Variants in MECR observed in about 807,000 individuals in gnomAD.
The protein encoded by MECR is mitochondrial trans-2-enoyl-CoA reductase.
Under a neutral mutation model 49.1 loss-of-function variants are expected in MECR, and 37 were observed. The observed-to-expected ratio is 0.75, with a 90% CI of 0.58 to 0.99. The LOEUF (loss-of-function observed/expected upper bound fraction) is 0.99. Among genes scored for constraint, MECR ranks in the 50% least tolerant of loss-of-function variants. The probability of loss-of-function intolerance (pLI) is 0.00; values close to 1 mark genes in which losing one functional copy is unlikely to be tolerated. For missense variants in MECR, 470 were observed against 479.6 expected (o/e 0.98, Z 0.19); for synonymous variants, 198 against 191.1 (o/e 1.04, Z -0.30).
rs779465579 is a variant in MECR, at chr1:29,195,903, C to A, written c.964+38G>T. The A allele has an allele frequency of 2.5e-6, 4 of 1,607,182 alleles. No individual in the cohort carries two copies. The South Asian group carries it at 4.4e-5, about 18-fold the overall frequency. Reference sequence around the variant, plus strand: ...TTCTGCTGCCATTTTTAGGCACTGCCCTCATCTGTGACTCTTGGCACTGGG... The same window carrying A: ...TTCTGCTGCCATTTTTAGGCACTGCACTCATCTGTGACTCTTGGCACTGGG... On this transcript the variant is annotated intron_variant, in intron 9 of 9. Transcript: ENST00000263702.
the MECR span, among the ~76,000 whole-genome samples, chr1:29,187,136 A>G: frequency 2.0e-5 from 3 of 152,188 alleles, no homozygotes; most frequent in South Asian, 4.1e-4. Context: ...GTGCCTGACA[A>G]TAAGCATGGG....
At chr1:29,213,930 A>G (rs966834636) in intron 3 of MECR, among the ~76,000 whole-genome samples, 1 of 152,192 alleles carries the variant, frequency 6.6e-6, no homozygotes, top group Non-Finnish European at 1.5e-5. Context: ...TGGTTTGATT[A>G]TATCAATATG....
At chr1:29,223,832 C>T (rs1681379656) in intron 1 of MECR, 1 of 152,104 alleles carries the variant, frequency 6.6e-6, no homozygotes, top group Non-Finnish European at 1.5e-5. Flanking sequence ...CTTGTAAGGG[C>T]CTGGCTCCCA....
the MECR span, chr1:29,170,902 T>C: frequency 6.6e-6 from 1 of 152,102 alleles, no homozygotes; most frequent in Non-Finnish European, 1.5e-5. Context: ...CTGGGAGAAA[T>C]AAAGTGCCTT....
chr1:29,206,442 T>C (rs2151871088), intron 4 of MECR, among the ~76,000 whole-genome samples: 1 of 152,326 alleles, frequency 6.6e-6, no homozygotes, highest in South Asian at 2.1e-4. Flanking sequence ...AGGGACTGTG[T>C]CTATCTTGTC....
the MECR span, among the ~76,000 whole-genome samples, chr1:29,177,753 T>TA: frequency 6.6e-6 from 1 of 152,122 alleles, no homozygotes; most frequent in Non-Finnish European, 1.5e-5. Flanking sequence ...CCTGGTGTAA[T>TA]AAAACGGTAG....
intron 1 of MECR, chr1:29,220,977 A>G: frequency 1.1e-6 from 1 of 897,504 alleles, no homozygotes; most frequent in Non-Finnish European, 1.3e-6. Flanking sequence ...GGAAAATTCA[A>G]GTAAACGTAA....
At chr1:29,196,124 T>C in intron 8 of MECR, 74 bp downstream of exon 8, 2 of 1,600,086 alleles carry the variant, frequency 1.2e-6, no homozygotes, top group East Asian at 2.2e-5. Context: ...TAGACAGCTG[T>C]CGTGCCAGGG....
the MECR span, chr1:29,171,580 A>G: frequency 2.0e-5 from 3 of 151,900 alleles, no homozygotes; most frequent in Non-Finnish European, 4.4e-5. Flanking sequence ...AATAAGTCAT[A>G]CAAATGCATT....
Position 29,215,528 on chromosome 1 carries a change from C to A in MECR, c.406+477G>T, listed in dbSNP as rs115820199. ...GGGAGGCTGCAGTAAGCCGAGATCG[C>A]GTCACTGCACTCCAGCACAGGTGAC... On this transcript the variant is annotated intron_variant, in intron 3 of 9. Coordinates refer to ENST00000263702, the MANE Select transcript of MECR (RefSeq NM_016011.5). Among the ~76,000 whole-genome samples the A allele has an allele frequency of 2.7e-5, 4 of 149,008 alleles. No homozygotes were observed. The East Asian group carries it at 8.1e-4, about 30-fold the overall frequency.
At chr1:29,177,281 T>G in the MECR span, among the ~76,000 whole-genome samples, 187 of 137,768 alleles carry the variant, frequency 1.4e-3, no homozygotes, top group African/African-American at 4.9e-3. Flanking sequence ...GTAACTCTTT[T>G]TGTTTTTTTT....
chr1:29,209,659 A>C (rs1040507738), intron 3 of MECR, among the ~76,000 whole-genome samples: 13 of 152,174 alleles, frequency 8.5e-5, no homozygotes, highest in Non-Finnish European at 1.6e-4. Context: ...CTGCACTCAC[A>C]CAGGCAGGAT....
chr1:29,188,496 G>A (rs945751859), downstream of MECR, among the ~76,000 whole-genome samples: 4 of 152,108 alleles, frequency 2.6e-5, no homozygotes, highest in African/African-American at 9.7e-5. Context: ...GAACCACTGC[G>A]CCTGGCCTCC....
At chr1:29,169,152 T>G in the MECR span, 2 of 152,244 alleles carry the variant, frequency 1.3e-5, no homozygotes, top group Admixed American at 1.3e-4. Context: ...ATTATATCCA[T>G]TTAATTTTCA....
chr1:29,192,959 T>G lies in MECR; in HGVS notation c.*1063A>C, dbSNP rs1673216675. On this transcript the variant is annotated 3_prime_UTR_variant, in exon 10 of 10. Transcript: ENST00000263702. ...ATTTGGGGCTAGATTTTTTTTTTTT[T>G]TTTGATATAGGGTCTTGCTCTGTTG... 1.3e-5 allele frequency: 2 copies of G among 152,036 alleles called. No individual in the cohort carries two copies. The highest frequency in any genetic ancestry group is 4.8e-5 in the African/African-American group (2 of 41,366). 9.4% of individuals were successfully genotyped at this position (152,036 alleles called of 1,614,324 possible).
intron 4 of MECR, among the ~76,000 whole-genome samples, chr1:29,203,851 G>T (rs1265161837): frequency 6.6e-6 from 1 of 152,226 alleles, no homozygotes; most frequent in African/African-American, 2.4e-5. Flanking sequence ...GCACTGCCTT[G>T]AAATGGGATT....
At chr1:29,202,535 C>T (rs1326700161) in intron 5 of MECR, among the ~76,000 whole-genome samples, 2 of 152,126 alleles carry the variant, frequency 1.3e-5, no homozygotes, top group Non-Finnish European at 2.9e-5. Context: ...CAGCCACAGC[C>T]ACATTCATGG....
In MECR at chr1:29,194,165, G is replaced by C; in HGVS notation, c.979C>G (p.Leu327Val). The C allele has an allele frequency of 6.2e-7, 1 of 1,610,078 alleles. No individual in the cohort carries two copies. The highest frequency in any genetic ancestry group is 1.1e-5 in the South Asian group (1 of 90,602). Residue 327 changes from leucine to valine, a missense_variant, in exon 10 of 10, where the codon CTG (leucine) becomes GTG (valine). Coordinates refer to ENST00000263702, the MANE Select transcript of MECR (RefSeq NM_016011.5). ...ATGAGATCGCACAGTGTGAGGATCA[G>C]CTCCTTGAACTGGTCTGCGGGAGGT... ...KDHSPDQFKE[L>V]ILTLCDLIRR...
chr1:29,189,828 T>A (rs1673087419), downstream of MECR, among the ~76,000 whole-genome samples: 1 of 152,196 alleles, frequency 6.6e-6, no homozygotes, highest in Non-Finnish European at 1.5e-5. Context: ...TGTTCCTTAC[T>A]GCCAACACAA....
Sources: allele counts gnomAD v4.1 joint callset (sites outside exome capture counted in the v4.1 genomes callset), GRCh38; gene constraint gnomAD v4.1.1; transcripts MANE v1.5; gene names NCBI Gene and HGNC (gene_info 2026-07-23, HGNC 2026-07-21).